PI4KA: variants seen among roughly 807,000 people sequenced by gnomAD.
The protein encoded by PI4KA is phosphatidylinositol 4-kinase alpha.
A neutral mutation model predicts 271.4 loss-of-function variants in PI4KA; 122 were observed. That is an observed-to-expected ratio of 0.45 (90% confidence interval 0.39 to 0.52). The LOEUF (loss-of-function observed/expected upper bound fraction) is 0.52. Ranked by LOEUF, PI4KA falls within the 20% of genes least tolerant of loss-of-function variation. The pLI, the probability that PI4KA is intolerant of heterozygous loss-of-function variation, is 0.00. For missense variants in PI4KA, 1,969 were observed against 2,769.1 expected, an observed-to-expected ratio of 0.71 and a Z score of 6.48; for synonymous variants, 1,041 against 1,078.8, an observed-to-expected ratio of 0.96 and a Z score of 0.69.
intron 7 of PI4KA, among the ~76,000 whole-genome samples, chr22:20,814,705 T>C (rs1359843210): frequency 6.6e-6 from 1 of 151,772 alleles, no homozygotes; most frequent in Non-Finnish European, 1.5e-5. Flanking sequence ...GCTATGAATT[T>C]GTCACTGCAC....
At chr22:20,763,659 C>T (rs1601433495) in intron 22 of PI4KA, among the ~76,000 whole-genome samples, 1 of 152,214 alleles carries the variant, frequency 6.6e-6, no homozygotes, top group East Asian at 1.9e-4. Context: ...AGGCTGGTCT[C>T]GAACTACTGG....
chr22:20,779,734 T>G (rs769379351), intron 19 of PI4KA: 7 of 1,614,268 alleles, frequency 4.3e-6, no homozygotes, highest in Non-Finnish European at 5.9e-6. Context: ...TACCGAGTGC[T>G]GAAAGACCAG....
At chr22:20,746,059 G>T (rs796580966) in intron 29 of PI4KA, among the ~76,000 whole-genome samples, 3 of 91,300 alleles carry the variant, frequency 3.3e-5, no homozygotes, top group South Asian at 3.5e-4. Flanking sequence ...AAAAAAAAAA[G>T]AATTTTTTTT....
chr22:20,743,095 GATAA>G, intron 30 of PI4KA, among the ~76,000 whole-genome samples: 2 of 152,296 alleles, frequency 1.3e-5, no homozygotes, highest in East Asian at 1.9e-4. Context: ...ATGTGAGCTG[GATAA>G]ATACATTTCC....
chr22:20,764,577 T>C (rs769439032), intron 22 of PI4KA: 24 of 466,438 alleles, frequency 5.1e-5, no homozygotes, highest in Non-Finnish European at 8.8e-5. Flanking sequence ...CAGAAGCCTG[T>C]TTCCTATCAG....
chr22:20,740,061 C>CAAAAA (rs59323542), intron 32 of PI4KA, among the ~76,000 whole-genome samples: 24 of 73,348 alleles, frequency 3.3e-4, no homozygotes, highest in East Asian at 4.3e-4. Context: ...GACCCCATCT[C>CAAAAA]AAAAAAAAAA....
intron 29 of PI4KA, among the ~76,000 whole-genome samples, chr22:20,745,882 C>CA (rs1929998479): frequency 6.8e-6 from 1 of 146,824 alleles, no homozygotes; most frequent in Non-Finnish European, 1.5e-5. Flanking sequence ...CTTCCACCAT[C>CA]ACTCCTCACT....
intron 40 of PI4KA, 75 bp downstream of exon 40, chr22:20,727,699 G>T: frequency 8.7e-7 from 1 of 1,150,442 alleles, no homozygotes; most frequent in Non-Finnish European, 1.3e-6. Context: ...CTCATTTCTA[G>T]TTTCAGGCAT....
intron 19 of PI4KA, among the ~76,000 whole-genome samples, chr22:20,783,436 A>T (rs992886509): frequency 5.1e-4 from 21 of 40,942 alleles, no homozygotes; most frequent in African/African-American, 2.9e-3. Context: ...ATCTACAATT[A>T]AAAAAAAAAA....
At chr22:20,759,948 C>T (rs1931784407) in intron 23 of PI4KA, among the ~76,000 whole-genome samples, 1 of 152,140 alleles carries the variant, frequency 6.6e-6, no homozygotes, top group Admixed American at 6.6e-5. Context: ...GATCTACCTG[C>T]CTCAGCTTCC....
Position 20,858,600 on chromosome 22 carries a change from C to A in PI4KA, c.126G>T (p.Leu42=). The part of the protein sequence containing the change: ...FNTVLSLARS[L]AVQRPASLEK... ...CCAAGGATGCTGGTCTCTGCACCGC[C>A]AGGGAGCGGGCCAGTGACAGGACCG... is the stretch of plus-strand genomic sequence containing the variant. The change falls in exon 1 of 55, where the codon CTG becomes CTT. Residue 42 remains leucine, a synonymous_variant. Transcript: ENST00000255882. 1 of 1,475,274 alleles carries A rather than the reference C, an allele frequency of 6.8e-7. No homozygotes were observed. The highest frequency in any genetic ancestry group is 8.9e-7 in the Non-Finnish European group (1 of 1,117,404). 91.4% of individuals were successfully genotyped at this position (1,475,274 alleles called of 1,614,324 possible).
chr22:20,821,717 T>C (rs1373216452), intron 4 of PI4KA, among the ~76,000 whole-genome samples: 3 of 150,708 alleles, frequency 2.0e-5, no homozygotes, highest in African/African-American at 7.3e-5. Flanking sequence ...TCAGCCTCCT[T>C]AGCAGCTGGG....
chr22:20,776,040 GGCTGA>G (rs767118094), intron 19 of PI4KA, among the ~76,000 whole-genome samples: 7 of 152,190 alleles, frequency 4.6e-5, no homozygotes, highest in Non-Finnish European at 1.0e-4. Context: ...CATTTCTAGA[GGCTGA>G]GCATGGTAAC....
intron 1 of PI4KA, among the ~76,000 whole-genome samples, chr22:20,842,230 T>C (rs191272319): frequency 6.6e-6 from 1 of 151,360 alleles, no homozygotes; most frequent in East Asian, 2.0e-4. Flanking sequence ...TCCATCTCAA[T>C]ATATACATAT....
intron 36 of PI4KA, among the ~76,000 whole-genome samples, chr22:20,731,292 G>A (rs1928018323): frequency 6.6e-6 from 1 of 152,262 alleles, no homozygotes; most frequent in Non-Finnish European, 1.5e-5. Flanking sequence ...GTGACAACTT[G>A]AGGGCCTGTG....
rs918285526 is a variant in PI4KA at position 20,729,308 on chromosome 22, C to A, written c.4682+5G>T. The A allele has an allele frequency of 1.1e-5, 18 of 1,610,604 alleles. No individual in the cohort carries two copies. The highest frequency in any genetic ancestry group is 2.5e-6 in the Non-Finnish European group (3 of 1,178,346). Reference sequence around the variant, plus strand: ...TGTGTCAGGCTGTGGTGCCCGGGGGCCCACCTGGCAGGCAGCTGCACGGCT... The same window carrying A: ...TGTGTCAGGCTGTGGTGCCCGGGGGACCACCTGGCAGGCAGCTGCACGGCT... On this transcript the variant is annotated splice_donor_5th_base_variant and intron_variant, in intron 39 of 54. Coordinates refer to ENST00000255882, the MANE Select transcript of PI4KA (RefSeq NM_058004.4).
At chr22:20,729,226 T>C in intron 39 of PI4KA, 87 bp downstream of exon 39, 1 of 1,141,840 alleles carries the variant, frequency 8.8e-7, no homozygotes, top group Non-Finnish European at 1.2e-6. Context: ...TGCAGGGCAC[T>C]CCTGAGAACT....
At chr22:20,807,872 T>C (rs1382131062) in intron 9 of PI4KA, among the ~76,000 whole-genome samples, 1 of 151,998 alleles carries the variant, frequency 6.6e-6, no homozygotes, top group Non-Finnish European at 1.5e-5. Flanking sequence ...CACCTTCAGA[T>C]ACAACTTATG....
Position 20,765,215 on chromosome 22 carries a change from T to A in PI4KA, c.2459A>T (p.Tyr820Phe). ...EGSGLWPEEWYEGVCEIATKS... is the reference protein window; with the variant it reads ...EGSGLWPEEWFEGVCEIATKS... ...AGTGGCTATTTCACAGACCCCCTCG[T>A]ACCATTCTTCTGGCCAGAGTCCTGC... The change falls in exon 21 of 55, where the codon TAC (tyrosine) becomes TTC (phenylalanine). Residue 820 changes from tyrosine to phenylalanine, a missense_variant. Around this residue, in one of 13 missense-constraint regions of PI4KA, gnomAD observed 368 missense variants for 544.3 expected, o/e 0.68. Coordinates refer to ENST00000255882, the MANE Select transcript of PI4KA (RefSeq NM_058004.4). The A allele has an allele frequency of 6.2e-7, 1 of 1,612,950 alleles. No homozygotes were observed. Among genetic ancestry groups the A allele is most frequent in the Non-Finnish European group, 8.5e-7 (1 of 1,179,516 alleles).
Sources: allele counts gnomAD v4.1 joint callset (sites outside exome capture counted in the v4.1 genomes callset), GRCh38; gene constraint gnomAD v4.1.1; regional missense constraint gnomAD v4.1.1; transcripts MANE v1.5; gene names NCBI Gene and HGNC (gene_info 2026-07-23, HGNC 2026-07-21).